Variants in DLG2 observed in about 807,000 individuals in gnomAD.
DLG2 encodes the protein discs large MAGUK scaffold protein 2.
A neutral mutation model predicts 132.5 loss-of-function variants in DLG2; 45 were observed. The observed-to-expected ratio is 0.34, with a 90% CI of 0.27 to 0.44. DLG2 has a LOEUF of 0.44. DLG2 is among the 20% of genes least tolerant of loss of function. DLG2 has a pLI of 1.00. For synonymous variants in DLG2, 424 were observed against 419.6 expected (o/e 1.01, Z -0.13); for missense variants, 1,045 against 1,196.9 (o/e 0.87, Z 1.87).
chr11:84,086,895 C>T (rs987472880), intron 10 of DLG2, among the ~76,000 whole-genome samples: 3 of 152,148 alleles, frequency 2.0e-5, no homozygotes, highest in African/African-American at 4.8e-5. Flanking sequence ...CTAGAAATTT[C>T]GTGTAAATAA....
At chr11:85,482,696 C>T (rs1286857881) in intron 3 of DLG2, among the ~76,000 whole-genome samples, 1 of 152,122 alleles carries the variant, frequency 6.6e-6, no homozygotes. Flanking sequence ...TGATCCTAAG[C>T]TCCAAACCAG....
intron 6 of DLG2, among the ~76,000 whole-genome samples, chr11:85,064,872 C>A (rs1044412018): frequency 7.3e-5 from 11 of 151,528 alleles, no homozygotes; most frequent in Non-Finnish European, 8.9e-5. Context: ...AGTTTCCACC[C>A]TTCCAGCCTC....
intron 6 of DLG2, among the ~76,000 whole-genome samples, chr11:85,075,135 G>A (rs954908357): frequency 8.6e-5 from 13 of 151,694 alleles, no homozygotes; most frequent in Middle Eastern, 3.2e-3. Flanking sequence ...TAAAAAGACC[G>A]GTACAAATTA....
chr11:83,753,818 ATATT>A lies in DLG2; in HGVS notation c.1825+32868_1825+32871del, dbSNP rs1219885037. Among the ~76,000 whole-genome samples the A allele has an allele frequency of 4.9e-3, 341 of 70,254 alleles. 14 individuals carry two copies. The highest frequency in any genetic ancestry group is 0.032 in the African/African-American group (277 of 8,734). 46.1% of individuals were successfully genotyped at this position (70,254 alleles called of 152,430 possible). A position where few individuals can be genotyped will look rare whatever the true frequency, so the allele number is the denominator to read the frequency against. On this transcript the variant is annotated intron_variant, in intron 18 of 27. Coordinates refer to ENST00000376104, the MANE Select transcript of DLG2 (RefSeq NM_001142699.3). ...ATGATATATCATATATATCATATATATATTTCATATATATATGATATATATCATA... is the reference window on the plus strand; with the variant it reads ...ATGATATATCATATATATCATATATATCATATATATATGATATATATCATA...
chr11:85,073,764 G>T (rs575174086), intron 6 of DLG2, among the ~76,000 whole-genome samples: 12 of 151,858 alleles, frequency 7.9e-5, no homozygotes, highest in Non-Finnish European at 1.6e-4. Context: ...ATATCCAAAG[G>T]AATATAAATA....
intron 3 of DLG2, among the ~76,000 whole-genome samples, chr11:85,582,836 A>G (rs1318160094): frequency 1.3e-5 from 2 of 150,248 alleles, no homozygotes; most frequent in African/African-American, 4.9e-5. Context: ...TGTGTTTTAA[A>G]CTTTTAGGGA....
At chr11:84,227,372 T>C (rs938829323) in intron 8 of DLG2, among the ~76,000 whole-genome samples, 9 of 152,054 alleles carry the variant, frequency 5.9e-5, no homozygotes, top group East Asian at 1.9e-4. Flanking sequence ...AGACACACAA[T>C]GGATATGAAG....
At chr11:84,881,254 A>G (rs1382925060) in intron 6 of DLG2, among the ~76,000 whole-genome samples, 1 of 152,122 alleles carries the variant, frequency 6.6e-6, no homozygotes, top group East Asian at 1.9e-4. Context: ...TTTTGAAAAT[A>G]TTACAAGATG....
intron 3 of DLG2, among the ~76,000 whole-genome samples, chr11:85,409,538 T>C (rs923447458): frequency 1.3e-5 from 2 of 151,904 alleles, no homozygotes; most frequent in South Asian, 2.1e-4. Context: ...AGAAACTGCC[T>C]AGGATTAAGG....
intron 5 of DLG2, among the ~76,000 whole-genome samples, chr11:85,149,445 G>A (rs191112363): frequency 2.6e-5 from 4 of 152,182 alleles, no homozygotes; most frequent in Admixed American, 2.0e-4. Context: ...TATTGACCAA[G>A]TGGATGAAAC....
chr11:85,346,618 T>C (rs991439520), intron 3 of DLG2, among the ~76,000 whole-genome samples: 2 of 152,180 alleles, frequency 1.3e-5, no homozygotes, highest in African/African-American at 2.4e-5. Context: ...GTAAGCACTA[T>C]TAATTTGTTC....
At chr11:85,495,687 T>A (rs1318922551) in intron 3 of DLG2, among the ~76,000 whole-genome samples, 1 of 151,990 alleles carries the variant, frequency 6.6e-6, no homozygotes, top group East Asian at 1.9e-4. Context: ...TTGGTGGGAG[T>A]ATCAATTAGT....
At chr11:84,423,035 G>C (rs2098955661) in intron 7 of DLG2, among the ~76,000 whole-genome samples, 1 of 152,070 alleles carries the variant, frequency 6.6e-6, no homozygotes, top group African/African-American at 2.4e-5. Context: ...AACTGTAAAG[G>C]GTAGATGGAA....
intron 6 of DLG2, among the ~76,000 whole-genome samples, chr11:84,615,998 T>C (rs941872582): frequency 2.6e-5 from 4 of 151,842 alleles, no homozygotes; most frequent in African/African-American, 7.3e-5. Flanking sequence ...CATTCAGTGA[T>C]CAAGACAGAC....
chr11:84,272,990 T>C (rs80045444), intron 7 of DLG2, among the ~76,000 whole-genome samples: 6,003 of 152,148 alleles, frequency 0.039, 137 homozygotes, highest in South Asian at 0.072. Context: ...TAGGAATTCA[T>C]ACAGAGAAAA....
In DLG2 at chr11:84,070,326, T is replaced by C. The variant is rs900694138; in HGVS notation, c.750-10842A>G. On this transcript the variant is annotated intron_variant, in intron 10 of 27. Coordinates refer to ENST00000376104, the MANE Select transcript of DLG2 (RefSeq NM_001142699.3). ...TGTCTCTCAAACGTTCAACCAAAGC[T>C]AGCATCATTCAAAGGCAAGTTCACA... Among the ~76,000 whole-genome samples the C allele has an allele frequency of 2.0e-5, 3 of 152,284 alleles. No individual in the cohort carries two copies. In the East Asian group the frequency reaches 5.8e-4, roughly 29 times the overall value.
At chr11:84,741,349 C>T (rs928792738) in intron 6 of DLG2, among the ~76,000 whole-genome samples, 14 of 152,128 alleles carry the variant, frequency 9.2e-5, no homozygotes, top group South Asian at 4.2e-4. Context: ...CCACCGCGCC[C>T]GGCCGCCTAT....
chr11:84,117,462 T>C (rs2093688327), intron 9 of DLG2, among the ~76,000 whole-genome samples: 1 of 152,242 alleles, frequency 6.6e-6, no homozygotes, highest in Admixed American at 6.5e-5. Context: ...GCTTTTCTCA[T>C]CTCCCTTCAT....
At chr11:85,395,260 G>A (rs1210564601) in intron 3 of DLG2, among the ~76,000 whole-genome samples, 2 of 152,202 alleles carry the variant, frequency 1.3e-5, no homozygotes, top group Non-Finnish European at 2.9e-5. Context: ...ATTTAAGCTG[G>A]ATCAAGAAAG....
Sources: gnomAD v4.1 joint callset for allele counts (sites outside exome capture counted in the v4.1 genomes callset) on GRCh38, gnomAD v4.1.1 for gene constraint, MANE v1.5 for transcripts, NCBI Gene and HGNC (gene_info 2026-07-23, HGNC 2026-07-21) for gene names.